The following WDTC1 variants were observed in gnomAD, a reference collection of about 807,000 sequenced individuals.
WDTC1 encodes WD and tetratricopeptide repeats protein 1.
Under a neutral mutation model 76.0 loss-of-function variants are expected in WDTC1, and 12 were observed. That is an observed-to-expected ratio of 0.16 (90% CI 0.10 to 0.26). WDTC1 has a LOEUF of 0.26. WDTC1 is among the 10% of genes least tolerant of loss of function. WDTC1 has a pLI of 1.00. For synonymous variants in WDTC1, 326 were observed against 350.8 expected (o/e 0.93, Z 0.79); for missense variants, 511 against 908.8 (o/e 0.56, Z 5.63).
Position 27,293,700 on chromosome 1 carries a change from C to T in WDTC1, c.663-322C>T, listed in dbSNP as rs1361980647. 2.0e-5 allele frequency among the ~76,000 whole-genome samples: 3 copies of T among 152,132 alleles called. No individual in the cohort carries two copies. The South Asian group carries it at 6.2e-4, about 32-fold the overall frequency. On this transcript the variant is annotated intron_variant, in intron 7 of 15. Coordinates refer to ENST00000319394, the MANE Select transcript of WDTC1 (RefSeq NM_001276252.2). ...GGAATGTCGCCTGTTTATTTTCATT[C>T]ATGGGCTTGGTGACCACTGCTGCCC...
chr1:27,256,455 C>T (rs539340157), intron 1 of WDTC1, among the ~76,000 whole-genome samples: 1 of 152,180 alleles, frequency 6.6e-6, no homozygotes, highest in Admixed American at 6.5e-5. Flanking sequence ...CTCTGCTTCC[C>T]ACTAGACTCA....
In WDTC1 at chr1:27,284,448, AG is replaced by A. The variant is rs2013273724; in HGVS notation, c.291+1000del. Among the ~76,000 whole-genome samples, 4 of 152,328 alleles carry A rather than the reference AG, an allele frequency of 2.6e-5. No individual in the cohort carries two copies. The South Asian group carries it at 6.2e-4, about 24-fold the overall frequency. ...AGAGGAATTACAAGATACCTGAACA[AG>A]ATGATAGCTCCAAACCTACTTGTTT... is the stretch of plus-strand genomic sequence containing the variant. On this transcript the variant is annotated intron_variant, in intron 5 of 15. Coordinates refer to ENST00000319394, the MANE Select transcript of WDTC1 (RefSeq NM_001276252.2).
chr1:27,252,770 C>T (rs1205098929), intron 1 of WDTC1, among the ~76,000 whole-genome samples: 1 of 151,708 alleles, frequency 6.6e-6, no homozygotes, highest in Non-Finnish European at 1.5e-5. Context: ...TGCACCCCAG[C>T]CTGGGTGACA....
At chr1:27,240,379 G>A (rs2011592797) in intron 1 of WDTC1, among the ~76,000 whole-genome samples, 1 of 152,120 alleles carries the variant, frequency 6.6e-6, no homozygotes, top group Non-Finnish European at 1.5e-5. Context: ...CTGTGACCTA[G>A]GGCCAATCAT....
In WDTC1 at chr1:27,307,582, G is replaced by T. The variant is rs1034815486; in HGVS notation, c.*1199G>T. Reference sequence around the variant, plus strand: ...CTCCAGCTGCAGCCCCTGGGGAAAAGCAGCCTCCCTTCTCCTCTCCCTCCA... The same window carrying T: ...CTCCAGCTGCAGCCCCTGGGGAAAATCAGCCTCCCTTCTCCTCTCCCTCCA... On this transcript the variant is annotated 3_prime_UTR_variant, in exon 16 of 16. Transcript: ENST00000319394. The surrounding 1 kb of genome is among the most constrained non-coding windows in gnomAD (Gnocchi z 4.1). 2.0e-5 allele frequency: 3 copies of T among 152,870 alleles called. No individual in the cohort carries two copies. The highest frequency in any genetic ancestry group is 7.3e-5 in the African/African-American group (3 of 41,378). The allele number at this position is 152,870 out of a possible 1,614,324, so 9.5% of individuals were successfully genotyped here.
chr1:27,288,046 T>C (rs1297922705), intron 6 of WDTC1, among the ~76,000 whole-genome samples, 185 bp downstream of exon 6: 2 of 152,166 alleles, frequency 1.3e-5, no homozygotes, highest in East Asian at 3.8e-4. Context: ...CCTTCCTCCC[T>C]CTTTGCCCTC....
Position 27,297,951 on chromosome 1 carries a change from C to T in WDTC1, c.1072C>T (p.Leu358=). The stretch of plus-strand genomic sequence containing the variant: ...TTTCCCCTGCAGCCCCCAAGTAGAG[C>T]TACCACCATACCTGGAGCGTGTGAA... ...SRGHVSPQVE[L]PPYLERVKQQ... is the part of the protein sequence containing the mutation. Residue 358 remains leucine, a synonymous_variant, in exon 12 of 16, where the codon CTA becomes TTA. Transcript: ENST00000319394. 6.2e-7 allele frequency: 1 copy of T among 1,611,844 alleles called. No individual in the cohort carries two copies. The highest frequency in any genetic ancestry group is 8.5e-7 in the Non-Finnish European group (1 of 1,178,554).
At chr1:27,287,573 C>A in intron 5 of WDTC1, 101 bp from the exon 6 acceptor site, 1 of 1,333,216 alleles carries the variant, frequency 7.5e-7, no homozygotes, top group Non-Finnish European at 1.0e-6. Context: ...ATTCTCTTAT[C>A]TGACATGGAG....
rs2013971508 is a variant in WDTC1, at chr1:27,307,005, C to A, written c.*622C>A. The A allele has an allele frequency of 6.4e-6, 1 of 155,546 alleles. No homozygotes were observed. Among genetic ancestry groups the A allele is most frequent in the Non-Finnish European group, 1.4e-5 (1 of 70,308 alleles). 9.6% of individuals were successfully genotyped at this position (155,546 alleles called of 1,614,324 possible). A position where few individuals can be genotyped will look rare whatever the true frequency, so the allele number is the denominator to read the frequency against. On this transcript the variant is annotated 3_prime_UTR_variant, in exon 16 of 16. Coordinates refer to ENST00000319394, the MANE Select transcript of WDTC1 (RefSeq NM_001276252.2). The surrounding 1 kb of genome is among the most constrained non-coding windows in gnomAD (Gnocchi z 4.1). ...AGCACCCTCGCTCCTCTCCTGGCTACTAGCTCTGGCCCTGCACCTACTCTC... is the reference window on the plus strand; with the variant it reads ...AGCACCCTCGCTCCTCTCCTGGCTAATAGCTCTGGCCCTGCACCTACTCTC...
In WDTC1 at chr1:27,234,672, A is replaced by G; in HGVS notation, c.-379A>G. On this transcript the variant is annotated 5_prime_UTR_variant, in exon 1 of 16. Transcript: ENST00000319394. The stretch of plus-strand genomic sequence containing the variant: ...CCCCAGACAGCTGGAGGAGATAAAC[A>G]GAGGAGGAGGAGGGAGGGGAGTGCG... 7.6e-6 allele frequency: 3 copies of G among 396,286 alleles called. No individual in the cohort carries two copies. Among genetic ancestry groups the G allele is most frequent in the Non-Finnish European group, 1.3e-5 (3 of 224,628 alleles). 24.5% of individuals were successfully genotyped at this position (396,286 alleles called of 1,614,324 possible).
chr1:27,264,709 A>C (rs1370662320), intron 3 of WDTC1, among the ~76,000 whole-genome samples: 1 of 151,874 alleles, frequency 6.6e-6, no homozygotes, highest in Non-Finnish European at 1.5e-5. Flanking sequence ...GCTGATCTCC[A>C]ATTCCTGACC....
At chr1:27,257,936 G>A (rs186549925) in intron 1 of WDTC1, among the ~76,000 whole-genome samples, 5 of 152,168 alleles carry the variant, frequency 3.3e-5, no homozygotes, top group Admixed American at 6.5e-5. Flanking sequence ...GACTACAGGC[G>A]TGTGCCACCA....
intron 3 of WDTC1, among the ~76,000 whole-genome samples, chr1:27,270,914 T>G (rs1286465764): frequency 6.6e-6 from 1 of 152,244 alleles, no homozygotes; most frequent in African/African-American, 2.4e-5. Context: ...TTTTTATCAT[T>G]CTAACTAGTG....
At chr1:27,256,436 G>A (rs2012283487) in intron 1 of WDTC1, among the ~76,000 whole-genome samples, 1 of 152,174 alleles carries the variant, frequency 6.6e-6, no homozygotes, top group Non-Finnish European at 1.5e-5. Flanking sequence ...ACTTTATAGT[G>A]GTAAGGGGCT....
chr1:27,306,134 G>T lies in WDTC1; in HGVS notation c.1837-52G>T. 1 of 1,601,792 alleles carries T rather than the reference G, an allele frequency of 6.2e-7. No individual in the cohort carries two copies. On this transcript the variant is annotated intron_variant, in intron 15 of 15. Coordinates refer to ENST00000319394, the MANE Select transcript of WDTC1 (RefSeq NM_001276252.2). The surrounding 1 kb of genome is among the most constrained non-coding windows in gnomAD (Gnocchi z 5.0). ...TCCCCCTCCCCTATACGTGTACCCT[G>T]GTGCCTCTCCCTCCCTGAGCCCCAC...
intron 5 of WDTC1, among the ~76,000 whole-genome samples, chr1:27,285,707 C>G (rs763562643): frequency 7.9e-5 from 12 of 151,618 alleles, no homozygotes; most frequent in South Asian, 4.2e-4. Flanking sequence ...CTGCCTCAGC[C>G]TCCCGAGTAG....
intron 1 of WDTC1, among the ~76,000 whole-genome samples, chr1:27,247,813 G>C (rs1449010838): frequency 6.6e-6 from 1 of 151,224 alleles, no homozygotes; most frequent in Admixed American, 6.6e-5. Flanking sequence ...CTGCCTCCCG[G>C]GTTCAAGTGA....
At chr1:27,247,159 C>T (rs1570938743) in intron 1 of WDTC1, among the ~76,000 whole-genome samples, 3 of 151,768 alleles carry the variant, frequency 2.0e-5, no homozygotes, top group Middle Eastern at 6.8e-3. Flanking sequence ...TGGGTTTAAG[C>T]GATTCTCCTG....
At chr1:27,251,974 G>A (rs2012080535) in intron 1 of WDTC1, among the ~76,000 whole-genome samples, 1 of 151,988 alleles carries the variant, frequency 6.6e-6, no homozygotes, top group African/African-American at 2.4e-5. Flanking sequence ...CTTGAACCCG[G>A]GAGGCAGAGG....
Sources: gnomAD v4.1 joint callset for allele counts (sites outside exome capture counted in the v4.1 genomes callset) on GRCh38, gnomAD v4.1.1 for gene constraint, Gnocchi (gnomAD v3.1) non-coding constraint, MANE v1.5 for transcripts, NCBI Gene and HGNC (gene_info 2026-07-23, HGNC 2026-07-21) for gene names.